ROR1: variants seen among roughly 807,000 people sequenced by gnomAD.
ROR1 encodes ROR family WNT receptor 1.
ROR1 carries 19 observed loss-of-function variants against 78.8 expected under a neutral mutation model. The ratio of observed to expected loss-of-function variants is 0.24; its 90% CI spans 0.17 to 0.35. The LOEUF (loss-of-function observed/expected upper bound fraction) is 0.35. Ranked by LOEUF, ROR1 falls within the 10% of genes least tolerant of loss-of-function variation. The pLI is 1.00. For synonymous variants in ROR1, 386 were observed against 433.6 expected, an observed-to-expected ratio of 0.89 and a Z score of 1.36; for missense variants, 917 against 1,177.8, an observed-to-expected ratio of 0.78 and a Z score of 3.24.
rs1336682304 is a variant in ROR1, at chr1:63,827,447, G to T, written c.91+52939G>T. ...GGAAGTCAGTAAGAACTGTGGGTGG[G>T]GTTCTGAGGTAATCAATACAAAGAA... On this transcript the variant is annotated intron_variant, in intron 1 of 8. Transcript: ENST00000371079. Among the ~76,000 whole-genome samples the T allele has an allele frequency of 5.9e-5, 9 of 152,112 alleles. No individual in the cohort carries two copies. In the South Asian group the frequency reaches 8.3e-4, roughly 14 times the overall value.
chr1:63,843,332 G>A (rs1434332489), intron 1 of ROR1: 15 of 1,076,506 alleles, frequency 1.4e-5, no homozygotes, highest in Middle Eastern at 2.1e-4. Flanking sequence ...CGTCCTTGGA[G>A]CTGGCATAGA....
Position 63,785,089 on chromosome 1 carries a change from T to C in ROR1, c.91+10581T>C, listed in dbSNP as rs374332311. Among the ~76,000 whole-genome samples, 19 of 152,324 alleles carry C rather than the reference T, an allele frequency of 1.2e-4. No homozygotes were observed. The South Asian group carries it at 3.7e-3, about 30-fold the overall frequency. On this transcript the variant is annotated intron_variant, in intron 1 of 8. Coordinates refer to ENST00000371079, the MANE Select transcript of ROR1 (RefSeq NM_005012.4). ...GAAATCCTAGATACCCTGGAAAGGC[T>C]CTTATCTGTTCTTCATGGGAAACTG... is the stretch of plus-strand genomic sequence containing the variant.
intron 1 of ROR1, among the ~76,000 whole-genome samples, chr1:63,855,653 T>C (rs1251388710): frequency 2.0e-5 from 3 of 151,812 alleles, no homozygotes; most frequent in African/African-American, 7.3e-5. Flanking sequence ...TTGATGTAGC[T>C]CTTTTTTTTT....
intron 1 of ROR1, among the ~76,000 whole-genome samples, chr1:63,842,335 T>C: frequency 6.6e-6 from 1 of 152,288 alleles, no homozygotes; most frequent in East Asian, 1.9e-4. Flanking sequence ...GCAATAGCAA[T>C]AGCCAGAGTA....
In ROR1 at chr1:64,142,528, G is replaced by A. The variant is rs141411649; in HGVS notation, c.1052G>A (p.Arg351His). Residue 351 changes from arginine (R) to histidine (H), a missense_variant, in exon 7 of 9, where the codon CGT becomes CAT. Transcript: ENST00000371079. ...CACACACACACTTTCACCGCCCTTCGTTTCCCAGAGCTGAATGGAGGCCAT... is the reference window on the plus strand; with the variant it reads ...CACACACACACTTTCACCGCCCTTCATTTCCCAGAGCTGAATGGAGGCCAT... ...YPHTHTFTAL[R>H]FPELNGGHSY... The A allele has an allele frequency of 1.1e-4, 184 of 1,614,104 alleles. 2 individuals are homozygous for A. In the Middle Eastern group the frequency reaches 1.3e-3, roughly 12 times the overall value.
chr1:63,863,097 C>T (rs1304935485), intron 1 of ROR1, among the ~76,000 whole-genome samples: 1 of 152,146 alleles, frequency 6.6e-6, no homozygotes, highest in Non-Finnish European at 1.5e-5. Flanking sequence ...CTCCTGACTC[C>T]CACACCAGCA....
At chr1:63,919,182 A>G (rs1201775502) in intron 1 of ROR1, among the ~76,000 whole-genome samples, 1 of 152,110 alleles carries the variant, frequency 6.6e-6, no homozygotes, top group East Asian at 1.9e-4. Context: ...TTTATTTAAC[A>G]TTGTTTTGGG....
chr1:64,066,463 G>C (rs963034576), intron 4 of ROR1, among the ~76,000 whole-genome samples: 1 of 151,896 alleles, frequency 6.6e-6, no homozygotes, highest in Admixed American at 6.6e-5. Flanking sequence ...GACTACAGGC[G>C]CCCACCACCA....
intron 1 of ROR1, among the ~76,000 whole-genome samples, chr1:63,937,207 G>A (rs1645800631): frequency 6.6e-6 from 1 of 152,160 alleles, no homozygotes; most frequent in Non-Finnish European, 1.5e-5. Flanking sequence ...CTGAGGTTTA[G>A]CACAATGCTT....
chr1:63,804,269 A>G (rs1270749046), intron 1 of ROR1, among the ~76,000 whole-genome samples: 1 of 152,150 alleles, frequency 6.6e-6, no homozygotes, highest in East Asian at 1.9e-4. Context: ...GCACACACTC[A>G]CACACAAACA....
At chr1:64,028,655 A>T (rs12120899) in intron 2 of ROR1, among the ~76,000 whole-genome samples, 6,419 of 151,918 alleles carry the variant, frequency 0.042, 147 homozygotes, top group African/African-American at 0.057. Flanking sequence ...CTTAAAAAAA[A>T]TTTTTTAGAT....
chr1:63,827,345 A>G (rs552247105), intron 1 of ROR1, among the ~76,000 whole-genome samples: 2 of 152,246 alleles, frequency 1.3e-5, no homozygotes, highest in East Asian at 1.9e-4. Flanking sequence ...TGCCTTTGTC[A>G]TGAAACCTTT....
At chr1:63,846,034 A>G (rs549766640) in intron 1 of ROR1, among the ~76,000 whole-genome samples, 6 of 152,150 alleles carry the variant, frequency 3.9e-5, no homozygotes, top group African/African-American at 1.2e-4. Context: ...TCAGCTCTAC[A>G]ATATTCCTTG....
chr1:63,969,051 G>T (rs1278568843), intron 1 of ROR1, among the ~76,000 whole-genome samples: 2 of 152,096 alleles, frequency 1.3e-5, no homozygotes, highest in Non-Finnish European at 2.9e-5. Context: ...AGGGGGGTGT[G>T]GGAGAAGAAA....
chr1:63,794,943 C>T (rs1356450296), intron 1 of ROR1, among the ~76,000 whole-genome samples: 5 of 152,050 alleles, frequency 3.3e-5, no homozygotes, highest in South Asian at 2.1e-4. Flanking sequence ...ACATAATAAC[C>T]GGAGGAATTA....
At chr1:64,177,278 G>A in intron 8 of ROR1, 150 bp from the exon 9 acceptor site, 1 of 637,970 alleles carries the variant, frequency 1.6e-6, no homozygotes, top group Non-Finnish European at 2.7e-6. Flanking sequence ...CTGAGTTGCA[G>A]CCAACGATTT....
At chr1:64,099,016 G>A (rs551535835) in intron 4 of ROR1, among the ~76,000 whole-genome samples, 4 of 152,210 alleles carry the variant, frequency 2.6e-5, no homozygotes, top group African/African-American at 9.6e-5. Context: ...ATGTTTACTG[G>A]CGGGCCCCAG....
At chr1:63,879,642 C>T (rs1645310402) in intron 1 of ROR1, among the ~76,000 whole-genome samples, 1 of 152,012 alleles carries the variant, frequency 6.6e-6, no homozygotes, top group Admixed American at 6.6e-5. Context: ...AAATAAAGAC[C>T]CTGAGAAGTG....
chr1:63,909,678 C>T (rs1470746706), intron 1 of ROR1, among the ~76,000 whole-genome samples: 1 of 152,182 alleles, frequency 6.6e-6, no homozygotes, highest in Non-Finnish European at 1.5e-5. Context: ...GCACTGTACA[C>T]ATCTGGGTCA....
Sources: allele counts gnomAD v4.1 joint callset (sites outside exome capture counted in the v4.1 genomes callset), GRCh38; gene constraint gnomAD v4.1.1; transcripts MANE v1.5; gene names NCBI Gene and HGNC (gene_info 2026-07-23, HGNC 2026-07-21).